The following GRAMD4 variants were observed in gnomAD, a reference collection of about 807,000 sequenced individuals.
GRAMD4 encodes GRAM domain containing 4.
Under a neutral mutation model 83.9 loss-of-function variants are expected in GRAMD4, and 25 were observed. The ratio of observed to expected loss-of-function variants is 0.30; its 90% confidence interval spans 0.22 to 0.42. The LOEUF is 0.42. Among genes scored for constraint, GRAMD4 ranks in the 10% least tolerant of loss-of-function variants. GRAMD4 has a pLI of 1.00. For synonymous variants in GRAMD4, 336 were observed against 320.9 expected, an observed-to-expected ratio of 1.05 and a Z score of -0.50; for missense variants, 593 against 788.7, an observed-to-expected ratio of 0.75 and a Z score of 2.97.
chr22:46,594,355 G>A (rs1194456659), intron 1 of GRAMD4, among the ~76,000 whole-genome samples: 1 of 152,054 alleles, frequency 6.6e-6, no homozygotes, highest in Admixed American at 6.5e-5. Context: ...GGAAGTGGGC[G>A]GGTGGGGTGG....
rs771735534 is a variant in GRAMD4, at chr22:46,668,899, C to T, written c.1075C>T (p.Leu359Phe). The change falls in exon 13 of 19, where the codon CTT (leucine) becomes TTT (phenylalanine). Residue 359 changes from leucine (L) to phenylalanine (F), a missense_variant. Leu to Phe is a conservative substitution (Grantham distance 22, BLOSUM62 0). This residue lies in a region of GRAMD4 where 171 missense variants were observed against 199.6 expected (regional missense o/e 0.86). Transcript: ENST00000406902. ...CTTCTTCCCCTACCGCCTGGTGGGG[C>T]TTGCCGTGGGTAAGTAGATGCACCT... ...SCFFPYRLVG[L>F]AVGLYAGIKF... The T allele has an allele frequency of 9.4e-6, 15 of 1,595,604 alleles. No individual in the cohort carries two copies. In the Admixed American group the frequency reaches 2.3e-4, roughly 25 times the overall value.
chr22:46,674,255 A>G (rs1264304305), intron 15 of GRAMD4, among the ~76,000 whole-genome samples: 1 of 152,140 alleles, frequency 6.6e-6, no homozygotes, highest in Admixed American at 6.5e-5. Flanking sequence ...GGGCAGCTCG[A>G]GGTGTGTGAT....
At chr22:46,673,447 C>T (rs944171935) in intron 14 of GRAMD4, among the ~76,000 whole-genome samples, 1 of 152,264 alleles carries the variant, frequency 6.6e-6, no homozygotes, top group African/African-American at 2.4e-5. Context: ...CTCGGTGCTC[C>T]CTTCGGGGTG....
rs1417269198 is a variant in GRAMD4, at chr22:46,659,997, G to A, written c.405-1384G>A. ...GGCCACAGTGCCATCCCCGCCACGG[G>A]ACGCTGCTTCTCCCCCGGTGGCTAA... On this transcript the variant is annotated intron_variant, in intron 4 of 18. Coordinates refer to ENST00000406902, the MANE Select transcript of GRAMD4 (RefSeq NM_015124.5). The surrounding 1 kb of genome is among the most constrained non-coding windows in gnomAD (Gnocchi z 4.1). Among the ~76,000 whole-genome samples the A allele has an allele frequency of 6.6e-6, 1 of 152,214 alleles. No individual in the cohort carries two copies. Among genetic ancestry groups the A allele is most frequent in the East Asian group, 1.9e-4 (1 of 5,190 alleles).
Position 46,664,079 on chromosome 22 carries a change from G to A in GRAMD4, c.679G>A (p.Asp227Asn), listed in dbSNP as rs945231115. 7.4e-6 allele frequency: 12 copies of A among 1,613,356 alleles called. No homozygotes were observed. In the Admixed American group the frequency reaches 1.0e-4, roughly 13 times the overall value. The change falls in exon 8 of 19, where the codon GAC becomes AAC. Residue 227 changes from aspartate to asparagine, a missense_variant. Physicochemically the swap from Asp to Asn is conservative, Grantham distance 23 (BLOSUM62 1). Coordinates refer to ENST00000406902, the MANE Select transcript of GRAMD4 (RefSeq NM_015124.5). Reference sequence around the variant, plus strand: ...TGTGAAGAACCTCTCTGCCTTATCCGACTGGTACTCCGTCTACACGTCTGC... The same window carrying A: ...TGTGAAGAACCTCTCTGCCTTATCCAACTGGTACTCCGTCTACACGTCTGC... ...NFVKNLSALSDWYSVYTSAIA... is the reference protein window; with the variant it reads ...NFVKNLSALSNWYSVYTSAIA...
At chr22:46,596,633 C>T (rs1053571868) in intron 1 of GRAMD4, among the ~76,000 whole-genome samples, 5 of 152,218 alleles carry the variant, frequency 3.3e-5, no homozygotes, top group Admixed American at 1.3e-4. Context: ...TCACTGCAAC[C>T]TCCATCCCCA....
chr22:46,676,746 T>C, intron 18 of GRAMD4, 78 bp downstream of exon 18: 1 of 1,291,968 alleles, frequency 7.7e-7, no homozygotes, highest in Non-Finnish European at 1.1e-6. Context: ...GGGACCAGCG[T>C]GGGGCAGACA....
intron 1 of GRAMD4, among the ~76,000 whole-genome samples, chr22:46,599,403 C>G (rs752412146): frequency 2.0e-5 from 3 of 152,084 alleles, no homozygotes; most frequent in Non-Finnish European, 4.4e-5. Context: ...ACTGCAACCT[C>G]TACCTCCCGG....
rs1378522408 is a variant in GRAMD4 at position 46,668,858 on chromosome 22, C to T, written c.1034C>T (p.Ala345Val). 1 of 1,612,688 alleles carries T rather than the reference C, an allele frequency of 6.2e-7. No homozygotes were observed. Among genetic ancestry groups the T allele is most frequent in the Admixed American group, 1.7e-5 (1 of 60,006 alleles). ...TQKLYVALWA[A>V]FLASCFFPYR... ...AAGCTGTATGTGGCGCTCTGGGCTG[C>T]CTTCCTGGCCTCCTGCTTCTTCCCC... Residue 345 changes from alanine (A) to valine (V), a missense_variant, in exon 13 of 19, where the codon GCC becomes GTC. Around this residue, in one of 4 missense-constraint regions of GRAMD4, gnomAD observed 171 missense variants for 199.6 expected, o/e 0.86. Coordinates refer to ENST00000406902, the MANE Select transcript of GRAMD4 (RefSeq NM_015124.5).
chr22:46,616,072 G>A (rs1435526614), upstream of GRAMD4, among the ~76,000 whole-genome samples: 2 of 137,722 alleles, frequency 1.5e-5, no homozygotes, highest in African/African-American at 5.6e-5. Flanking sequence ...TCCCCCGTGT[G>A]TAGGTTCCCC....
At chr22:46,634,442 A>G (rs1290907860) in intron 2 of GRAMD4, among the ~76,000 whole-genome samples, 1 of 152,208 alleles carries the variant, frequency 6.6e-6, no homozygotes. Flanking sequence ...AGGCAGACTC[A>G]GCGAAGGGGC....
chr22:46,668,598 G>C, intron 11 of GRAMD4, 91 bp from the exon 12 acceptor site: 2 of 1,198,804 alleles, frequency 1.7e-6, no homozygotes, highest in Non-Finnish European at 2.5e-6. Flanking sequence ...TGACCTCAGG[G>C]CTGCCCGACC....
At chr22:46,656,695 C>T (rs555093286) in intron 3 of GRAMD4, among the ~76,000 whole-genome samples, 4 of 152,342 alleles carry the variant, frequency 2.6e-5, no homozygotes, top group South Asian at 2.1e-4. Flanking sequence ...TCCTGCCTCA[C>T]GCTGGTGGGG....
chr22:46,633,740 G>C (rs79550077), intron 2 of GRAMD4, among the ~76,000 whole-genome samples: 466 of 152,356 alleles, frequency 3.1e-3, no homozygotes, highest in African/African-American at 9.8e-3. Flanking sequence ...AGAATCCATT[G>C]TGGGAAAGGC....
chr22:46,583,733 C>A (rs144450332), intron 1 of GRAMD4, among the ~76,000 whole-genome samples: 1 of 152,364 alleles, frequency 6.6e-6, no homozygotes, highest in East Asian at 1.9e-4. Context: ...TCACGCCAGG[C>A]GCATACCTTC....
intron 2 of GRAMD4, among the ~76,000 whole-genome samples, chr22:46,636,368 A>G (rs1488529180): frequency 6.6e-6 from 1 of 152,074 alleles, no homozygotes; most frequent in Non-Finnish European, 1.5e-5. Flanking sequence ...AGATGGAATC[A>G]CCCTGCCTCC....
At chr22:46,626,697 C>A in intron 1 of GRAMD4, 54 bp from the exon 2 acceptor site, 3 of 1,183,524 alleles carry the variant, frequency 2.5e-6, no homozygotes, top group Non-Finnish European at 3.7e-6. Flanking sequence ...TGGGAGCTGG[C>A]TCGTGGGGCT....
intron 2 of GRAMD4, among the ~76,000 whole-genome samples, chr22:46,630,870 C>T (rs1310375687): frequency 4.5e-5 from 4 of 88,736 alleles, no homozygotes; most frequent in South Asian, 3.4e-4. Context: ...CATAGCCCCC[C>T]GAGGGCCGTG....
chr22:46,671,364 G>A (rs1366317500), intron 13 of GRAMD4, among the ~76,000 whole-genome samples: 1 of 152,192 alleles, frequency 6.6e-6, no homozygotes, highest in Non-Finnish European at 1.5e-5. Context: ...CCAACATGGT[G>A]AAACCCCGTC....
Sources: gnomAD v4.1 joint callset for allele counts (sites outside exome capture counted in the v4.1 genomes callset) on GRCh38, gnomAD v4.1.1 for gene constraint, gnomAD v4.1.1 regional missense constraint, Gnocchi (gnomAD v3.1) non-coding constraint, MANE v1.5 for transcripts, NCBI Gene and HGNC (gene_info 2026-07-23, HGNC 2026-07-21) for gene names.